SH2D4A: variants seen among roughly 807,000 people sequenced by gnomAD.
SH2D4A encodes the protein SH2 domain containing 4A.
A neutral mutation model predicts 64.7 loss-of-function variants in SH2D4A; 70 were observed. The ratio of observed to expected loss-of-function variants is 1.08; its 90% CI spans 0.89 to 1.32. The LOEUF (loss-of-function observed/expected upper bound fraction) is 1.32, where lower values mean the gene tolerates loss of function less well. Among genes scored for constraint, SH2D4A ranks in the 40% most tolerant of loss-of-function variants. The pLI is 0.00. For synonymous variants in SH2D4A, 268 were observed against 200.7 expected, an observed-to-expected ratio of 1.34 and a Z score of -2.83; for missense variants, 706 against 540.1, an observed-to-expected ratio of 1.31 and a Z score of -3.04.
At chr8:19,386,718 G>C (rs913170349) in intron 8 of SH2D4A, among the ~76,000 whole-genome samples, 1 of 152,144 alleles carries the variant, frequency 6.6e-6, no homozygotes, top group African/African-American at 2.4e-5. Context: ...ATAGAAAAGG[G>C]GTTCTACTGT....
Position 19,364,362 on chromosome 8 carries a change from A to G in SH2D4A, c.917+80A>G, listed in dbSNP as rs577109238. The G allele has an allele frequency of 6.0e-6, 9 of 1,488,300 alleles. No homozygotes were observed. In the East Asian group the frequency reaches 1.9e-4, roughly 32 times the overall value. The allele number at this position is 1,488,300 out of a possible 1,614,324, so 92.2% of individuals were successfully genotyped here. ...AGCGTTGAAATTAAAGGGGAATTGTATGAGCTGCCATGGGGTGTGGAGGGC... is the reference window on the plus strand; with the variant it reads ...AGCGTTGAAATTAAAGGGGAATTGTGTGAGCTGCCATGGGGTGTGGAGGGC... On this transcript the variant is annotated intron_variant, in intron 7 of 9. Coordinates refer to ENST00000265807, the MANE Select transcript of SH2D4A (RefSeq NM_022071.4).
At chr8:19,381,760 A>G (rs2053296913) in intron 8 of SH2D4A, among the ~76,000 whole-genome samples, 1 of 152,222 alleles carries the variant, frequency 6.6e-6, no homozygotes, top group African/African-American at 2.4e-5. Context: ...CAACATAAGT[A>G]TGATGTTTGC....
At chr8:19,392,034 C>T (rs542506745) in intron 8 of SH2D4A, among the ~76,000 whole-genome samples, 3 of 152,034 alleles carry the variant, frequency 2.0e-5, no homozygotes, top group Non-Finnish European at 2.9e-5. Context: ...TTCCAAGATG[C>T]GTTTCTACTC....
In SH2D4A at chr8:19,336,930, C is replaced by CT. The variant is rs369881786; in HGVS notation, c.513+2082dup. ...CTTGAATTACAGTACTTTTTTAGAC[C>CT]TTTTTTTTTCAAAAGTAGGACAAAA... On this transcript the variant is annotated intron_variant, in intron 4 of 9. Transcript: ENST00000265807. 6.0e-5 allele frequency among the ~76,000 whole-genome samples: 9 copies of CT among 150,404 alleles called. No homozygotes were observed. The South Asian group carries it at 6.4e-4, about 11-fold the overall frequency.
intron 8 of SH2D4A, among the ~76,000 whole-genome samples, chr8:19,378,741 T>A (rs1227220436): frequency 6.6e-6 from 1 of 151,946 alleles, no homozygotes; most frequent in Non-Finnish European, 1.5e-5. Flanking sequence ...CAGTGTTAAA[T>A]ATATCCATAA....
At chr8:19,326,880 C>G (rs1054670955) in intron 2 of SH2D4A, among the ~76,000 whole-genome samples, 1 of 152,182 alleles carries the variant, frequency 6.6e-6, no homozygotes, top group African/African-American at 2.4e-5. Flanking sequence ...CACTGATGCC[C>G]ACATCTCACC....
At chr8:19,387,495 C>G (rs1383848990) in intron 8 of SH2D4A, among the ~76,000 whole-genome samples, 1 of 152,272 alleles carries the variant, frequency 6.6e-6, no homozygotes, top group South Asian at 2.1e-4. Flanking sequence ...CCGCGTCAGC[C>G]TCCCAAAGTG....
intron 2 of SH2D4A, 37 bp downstream of exon 2, chr8:19,319,765 TA>T: frequency 6.6e-7 from 1 of 1,515,594 alleles, no homozygotes; most frequent in Non-Finnish European, 8.8e-7. Context: ...GATGTGTTGG[TA>T]GAACAGCTCC....
intron 4 of SH2D4A, among the ~76,000 whole-genome samples, chr8:19,340,044 C>G (rs1209423225): frequency 6.6e-6 from 1 of 152,140 alleles, no homozygotes; most frequent in Non-Finnish European, 1.5e-5. Context: ...TCTGTTCACC[C>G]CAATTACATT....
intron 7 of SH2D4A, among the ~76,000 whole-genome samples, chr8:19,366,723 C>T (rs149845456): frequency 6.0e-5 from 9 of 150,748 alleles, no homozygotes; most frequent in South Asian, 4.2e-4. Context: ...ACCCAGGAGG[C>T]GAAGGCTGTT....
At chr8:19,358,574 G>A (rs1336901056) in intron 5 of SH2D4A, among the ~76,000 whole-genome samples, 1 of 152,154 alleles carries the variant, frequency 6.6e-6, no homozygotes. Flanking sequence ...CCAGGCAGAG[G>A]GAACAGCAAG....
At chr8:19,357,939 G>A (rs551812980) in intron 5 of SH2D4A, among the ~76,000 whole-genome samples, 2 of 152,074 alleles carry the variant, frequency 1.3e-5, no homozygotes, top group Non-Finnish European at 2.9e-5. Context: ...CTGAGATCGG[G>A]CTGTGGTGGA....
intron 8 of SH2D4A, among the ~76,000 whole-genome samples, chr8:19,392,976 C>T (rs1014009946): frequency 2.0e-4 from 31 of 152,038 alleles, no homozygotes; most frequent in Non-Finnish European, 3.4e-4. Context: ...CTCCTGACCT[C>T]GTGATCCACC....
intron 9 of SH2D4A, 109 bp downstream of exon 9, chr8:19,393,650 G>C (rs2053536939): frequency 9.7e-7 from 1 of 1,028,328 alleles, no homozygotes; most frequent in Non-Finnish European, 1.4e-6. Flanking sequence ...CTGGGGAGGG[G>C]ACAGGGGTGG....
At chr8:19,366,011 T>C (rs1159412168) in intron 7 of SH2D4A, among the ~76,000 whole-genome samples, 2 of 151,622 alleles carry the variant, frequency 1.3e-5, no homozygotes, top group South Asian at 4.2e-4. Flanking sequence ...TACATGCATA[T>C]GTACAACTAT....
chr8:19,340,543 A>G (rs1035315240), intron 4 of SH2D4A, among the ~76,000 whole-genome samples: 16 of 149,878 alleles, frequency 1.1e-4, no homozygotes, highest in African/African-American at 3.9e-4. Context: ...TTCCCAGGCT[A>G]CTTGCAGAAG....
chr8:19,337,823 A>T (rs966320850), intron 4 of SH2D4A, among the ~76,000 whole-genome samples: 2 of 152,194 alleles, frequency 1.3e-5, no homozygotes, highest in South Asian at 4.1e-4. Flanking sequence ...ACTGCCTCCC[A>T]CCAGGTTCCT....
chr8:19,334,730 C>T lies in SH2D4A; in HGVS notation c.386C>T (p.Ser129Leu), dbSNP rs2052416933. ...EEFTNSLKTK[S>L]QYHDLQAPDN... ...TTCACCAATAGCTTGAAAACAAAAT[C>T]ACAGTACCATGATCTGCAGGCTCCG... The change falls in exon 4 of 10, where the codon TCA becomes TTA. Residue 129 changes from serine to leucine, a missense_variant. Transcript: ENST00000265807. 1.2e-6 allele frequency: 2 copies of T among 1,612,090 alleles called. No homozygotes were observed. Among genetic ancestry groups the T allele is most frequent in the Non-Finnish European group, 1.7e-6 (2 of 1,179,506 alleles).
chr8:19,377,560 G>A (rs1395251793), intron 8 of SH2D4A, among the ~76,000 whole-genome samples: 3 of 152,094 alleles, frequency 2.0e-5, no homozygotes, highest in Non-Finnish European at 4.4e-5. Context: ...ACATTTAAAT[G>A]GGATCATGTT....
Sources: allele counts gnomAD v4.1 joint callset (sites outside exome capture counted in the v4.1 genomes callset), GRCh38; gene constraint gnomAD v4.1.1; transcripts MANE v1.5; gene names NCBI Gene and HGNC (gene_info 2026-07-23, HGNC 2026-07-21).